WWOX: variants seen among roughly 807,000 people sequenced by gnomAD.
WWOX encodes WW domain-containing oxidoreductase.
Under a neutral mutation model 46.2 loss-of-function variants are expected in WWOX, and 69 were observed. That is an observed-to-expected ratio of 1.49 (90% CI 1.23 to 1.82). The LOEUF (loss-of-function observed/expected upper bound fraction) is 1.82. Among genes scored for constraint, WWOX ranks in the 40% most tolerant of loss-of-function variants. The pLI, the probability that WWOX is intolerant of heterozygous loss-of-function variation, is 0.00. For missense variants in WWOX, 919 were observed against 542.6 expected (o/e 1.69, Z -6.89); for synonymous variants, 359 against 202.6 (o/e 1.77, Z -6.56).
chr16:79,019,777 T>C (rs527494758), intron 8 of WWOX, among the ~76,000 whole-genome samples: 4 of 152,142 alleles, frequency 2.6e-5, no homozygotes, highest in African/African-American at 7.2e-5. Flanking sequence ...GTAGAAGGCT[T>C]GAGTTTAATT....
chr16:78,200,695 G>A (rs1034205729), intron 5 of WWOX, among the ~76,000 whole-genome samples: 2 of 66,442 alleles, frequency 3.0e-5, no homozygotes, highest in Non-Finnish European at 6.5e-5. Flanking sequence ...ACAGTGTGGT[G>A]CCTTTGCCCA....
chr16:79,029,164 C>G (rs1021525894), intron 8 of WWOX, among the ~76,000 whole-genome samples: 2 of 152,168 alleles, frequency 1.3e-5, no homozygotes, highest in African/African-American at 2.4e-5. Context: ...GAGCCTACCT[C>G]TGGAGGCCCC....
chr16:78,866,175 G>A (rs1461563501), intron 8 of WWOX, among the ~76,000 whole-genome samples: 2 of 152,106 alleles, frequency 1.3e-5, no homozygotes, highest in Non-Finnish European at 2.9e-5. Context: ...TTGTTTAGTA[G>A]TTGTATTATG....
intron 8 of WWOX, among the ~76,000 whole-genome samples, chr16:78,850,615 T>C (rs557310885): frequency 1.2e-4 from 19 of 152,300 alleles, no homozygotes; most frequent in African/African-American, 4.6e-4. Flanking sequence ...CTACTTCATA[T>C]TTACCATCAC....
chr16:78,452,230 G>C (rs1384258894), intron 8 of WWOX, among the ~76,000 whole-genome samples: 1 of 152,170 alleles, frequency 6.6e-6, no homozygotes, highest in African/African-American at 2.4e-5. Flanking sequence ...CTCATAAAAA[G>C]AGATTGCGTA....
intron 5 of WWOX, among the ~76,000 whole-genome samples, chr16:78,242,572 G>A (rs979597604): frequency 3.9e-5 from 6 of 152,178 alleles, no homozygotes; most frequent in Non-Finnish European, 5.9e-5. Flanking sequence ...GGGAGACGTG[G>A]AACCAGGGTT....
chr16:78,667,535 G>A (rs904687284), intron 8 of WWOX, among the ~76,000 whole-genome samples: 1 of 151,906 alleles, frequency 6.6e-6, no homozygotes, highest in Non-Finnish European at 1.5e-5. Context: ...GCCAGGCGTG[G>A]TGGCAGGCAC....
intron 8 of WWOX, among the ~76,000 whole-genome samples, chr16:79,047,280 G>A (rs181308834): frequency 6.6e-6 from 1 of 152,198 alleles, no homozygotes; most frequent in Non-Finnish European, 1.5e-5. Context: ...ACTTGTGTGA[G>A]AAGCAAGTCT....
At chr16:78,575,052 T>TATATATATATATATATATAA (rs2044835616) in intron 8 of WWOX, among the ~76,000 whole-genome samples, 2 of 13,350 alleles carry the variant, frequency 1.5e-4, no homozygotes, top group African/African-American at 2.2e-4. Context: ...TATATATATA[T>TATATATATATATATATATAA]ATATATATAT....
chr16:78,422,176 A>C (rs188765864), intron 6 of WWOX, among the ~76,000 whole-genome samples: 1 of 152,198 alleles, frequency 6.6e-6, no homozygotes, highest in Admixed American at 6.5e-5. Context: ...ATTTGTAAGA[A>C]CTCTTTATAT....
At chr16:78,630,578 T>C (rs1295037365) in intron 8 of WWOX, among the ~76,000 whole-genome samples, 1 of 152,194 alleles carries the variant, frequency 6.6e-6, no homozygotes, top group Admixed American at 6.5e-5. Context: ...ATTAAATGCA[T>C]CCTGTGTGAC....
At chr16:78,877,481 C>G (rs1232249398) in intron 8 of WWOX, among the ~76,000 whole-genome samples, 2 of 152,228 alleles carry the variant, frequency 1.3e-5, no homozygotes, top group African/African-American at 4.8e-5. Flanking sequence ...CTGACACTTT[C>G]TCAGTGAAGC....
intron 8 of WWOX, among the ~76,000 whole-genome samples, chr16:78,885,222 C>G (rs1401829376): frequency 1.5e-5 from 2 of 135,802 alleles, no homozygotes; most frequent in South Asian, 5.2e-4. Context: ...TAGGTCTTGT[C>G]ATTTGTAAAT....
chr16:78,542,603 G>T (rs547693458), intron 8 of WWOX, among the ~76,000 whole-genome samples: 2 of 150,428 alleles, frequency 1.3e-5, no homozygotes, highest in African/African-American at 4.9e-5. Context: ...GGTTCCTACC[G>T]CACAGATCCA....
At chr16:79,124,616 G>A (rs749072637) in intron 8 of WWOX, among the ~76,000 whole-genome samples, 15 of 152,142 alleles carry the variant, frequency 9.9e-5, no homozygotes, top group Non-Finnish European at 2.1e-4. Flanking sequence ...ATTTTTAAGC[G>A]AGACTTCTTG....
chr16:78,960,144 G>A (rs1163388926), intron 8 of WWOX, among the ~76,000 whole-genome samples: 3 of 152,164 alleles, frequency 2.0e-5, no homozygotes, highest in African/African-American at 7.2e-5. Flanking sequence ...AGAGTAGACT[G>A]AGGAAGAACA....
At chr16:78,478,008 A>T (rs1261846031) in intron 8 of WWOX, among the ~76,000 whole-genome samples, 1 of 152,224 alleles carries the variant, frequency 6.6e-6, no homozygotes, top group Admixed American at 6.5e-5. Flanking sequence ...TTAATACCTA[A>T]CATTTGTTAT....
At chr16:78,842,877 A>C (rs1360092636) in intron 8 of WWOX, among the ~76,000 whole-genome samples, 1 of 149,878 alleles carries the variant, frequency 6.7e-6, no homozygotes, top group Admixed American at 6.7e-5. Context: ...ATAGAATACA[A>C]GGGGGGATAA....
At chr16:78,895,808 C>G (rs1346918446) in intron 8 of WWOX, 1 of 152,196 alleles carries the variant, frequency 6.6e-6, no homozygotes, top group Non-Finnish European at 1.5e-5. Flanking sequence ...AGAACAATGT[C>G]AACTGACTCA....
Sources: gnomAD v4.1 joint callset for allele counts (sites outside exome capture counted in the v4.1 genomes callset) on GRCh38, gnomAD v4.1.1 for gene constraint, MANE v1.5 for transcripts, NCBI Gene and HGNC (gene_info 2026-07-23, HGNC 2026-07-21) for gene names.